The following DLGAP1 variants were observed in gnomAD, a reference collection of about 807,000 sequenced individuals.
The protein encoded by DLGAP1 is DLG associated protein 1, also known as disks large-associated protein 1.
In DLGAP1, 11 loss-of-function variants were observed where a neutral mutation model predicts 90.8. The ratio of observed to expected loss-of-function variants is 0.12; its 90% CI spans 0.08 to 0.20. DLGAP1 has a LOEUF of 0.20. Among genes scored for constraint, DLGAP1 ranks in the 10% least tolerant of loss-of-function variants. The pLI, the probability that DLGAP1 is intolerant of heterozygous loss-of-function variation, is 1.00. For missense variants in DLGAP1, 1,050 were observed against 1,333.8 expected, an observed-to-expected ratio of 0.79 and a Z score of 3.31; for synonymous variants, 558 against 540.7, an observed-to-expected ratio of 1.03 and a Z score of -0.44.
rs1337224184 is a variant in DLGAP1, at chr18:3,586,218, C to T, written c.1592-3970G>A. ...AAGATTTTGAGATCCCCCCCAACTT[C>T]GAATAAGGGAGCTGAATGGAGGGCA... On this transcript the variant is annotated intron_variant, in intron 7 of 12. Coordinates refer to ENST00000315677, the MANE Select transcript of DLGAP1 (RefSeq NM_004746.4). Among the ~76,000 whole-genome samples, 4 of 152,078 alleles carry T rather than the reference C, an allele frequency of 2.6e-5. 1 individual carries two copies. The highest frequency in any genetic ancestry group is 3.9e-4 in the East Asian group (2 of 5,192).
chr18:4,305,859 GAT>G, intron 1 of DLGAP1, among the ~76,000 whole-genome samples: 1 of 151,994 alleles, frequency 6.6e-6, no homozygotes, highest in East Asian at 1.9e-4. Context: ...GGTGAGAAAA[GAT>G]AGTGTGGAAC....
intron 7 of DLGAP1, among the ~76,000 whole-genome samples, chr18:3,596,134 G>A (rs2056561167): frequency 6.6e-6 from 1 of 152,036 alleles, no homozygotes; most frequent in Non-Finnish European, 1.5e-5. Flanking sequence ...GGCAGGGAGA[G>A]TGCCAGGAGC....
chr18:3,879,009 T>C lies in DLGAP1; in HGVS notation c.957+103A>G. ...GAATAATTTGCACAGGTTCCTATCTTAATAGACAATTCAGAGTAGTGCCAA... is the reference window on the plus strand; with the variant it reads ...GAATAATTTGCACAGGTTCCTATCTCAATAGACAATTCAGAGTAGTGCCAA... On this transcript the variant is annotated intron_variant, in intron 4 of 12. Transcript: ENST00000315677. This position sits in a 1 kb window ranked among gnomAD's most constrained non-coding sequence, Gnocchi z 6.6. 3.1e-6 allele frequency: 3 copies of C among 982,770 alleles called. No individual in the cohort carries two copies. Among genetic ancestry groups the C allele is most frequent in the Non-Finnish European group, 2.8e-6 (2 of 709,688 alleles). The allele number at this position is 982,770 out of a possible 1,614,324, so 60.9% of individuals were successfully genotyped here.
intron 3 of DLGAP1, among the ~76,000 whole-genome samples, chr18:3,924,689 G>A (rs1255992690): frequency 6.6e-6 from 1 of 152,100 alleles, no homozygotes; most frequent in East Asian, 1.9e-4. Flanking sequence ...AGCCAAATCT[G>A]TTTCCAGGCA....
chr18:4,316,889 G>A (rs1217133253), intron 1 of DLGAP1, among the ~76,000 whole-genome samples: 1 of 152,048 alleles, frequency 6.6e-6, no homozygotes, highest in African/African-American at 2.4e-5. Context: ...ATTTAGGATA[G>A]GGACATCAAT....
intron 7 of DLGAP1, among the ~76,000 whole-genome samples, chr18:3,638,092 G>A (rs1195706531): frequency 1.3e-5 from 2 of 151,130 alleles, no homozygotes; most frequent in South Asian, 2.1e-4. Flanking sequence ...GAGTACAGGC[G>A]CCCGCCACCC....
chr18:3,522,423 C>T (rs375805249), intron 10 of DLGAP1, among the ~76,000 whole-genome samples: 16 of 151,954 alleles, frequency 1.1e-4, no homozygotes, highest in East Asian at 3.9e-4. Flanking sequence ...AGGTGTGAGC[C>T]GCTGTACTCG....
intron 1 of DLGAP1, among the ~76,000 whole-genome samples, chr18:4,334,679 G>A (rs2081032012): frequency 6.6e-6 from 1 of 151,858 alleles, no homozygotes; most frequent in South Asian, 2.1e-4. Flanking sequence ...AGAGGTTTCC[G>A]ATCTTCTTAG....
At chr18:4,143,630 T>G (rs910307269) in intron 2 of DLGAP1, among the ~76,000 whole-genome samples, 2 of 151,924 alleles carry the variant, frequency 1.3e-5, no homozygotes, top group African/African-American at 4.8e-5. Flanking sequence ...CTAGTACCTA[T>G]GGTGCAAGAC....
intron 2 of DLGAP1, among the ~76,000 whole-genome samples, chr18:4,036,976 T>G (rs907938598): frequency 6.6e-6 from 1 of 152,344 alleles, no homozygotes; most frequent in Non-Finnish European, 1.5e-5. Context: ...AAAATTCCTT[T>G]GAGTAGTGTG....
At chr18:3,751,408 C>T (rs1009447808) in intron 5 of DLGAP1, among the ~76,000 whole-genome samples, 19 of 151,772 alleles carry the variant, frequency 1.3e-4, no homozygotes, top group Middle Eastern at 3.5e-3. Context: ...GCAATCCTCT[C>T]ATTTCAGTCT....
chr18:3,892,375 C>T (rs2071493176), intron 3 of DLGAP1, among the ~76,000 whole-genome samples: 1 of 152,174 alleles, frequency 6.6e-6, no homozygotes, highest in African/African-American at 2.4e-5. Context: ...CACAGCTCAG[C>T]TCCAGTGACA....
intron 5 of DLGAP1, among the ~76,000 whole-genome samples, chr18:3,743,647 C>A (rs2063150548): frequency 6.7e-6 from 1 of 148,588 alleles, no homozygotes; most frequent in African/African-American, 2.5e-5. Context: ...AGCCACCGCG[C>A]CCGGCCTTTA....
intron 1 of DLGAP1, among the ~76,000 whole-genome samples, chr18:4,223,775 T>C (rs1442921698): frequency 1.3e-5 from 2 of 152,152 alleles, no homozygotes; most frequent in Non-Finnish European, 1.5e-5. Context: ...TCCACTACTA[T>C]AACATAAAAT....
At chr18:4,190,995 T>C (rs2077388405) in intron 1 of DLGAP1, among the ~76,000 whole-genome samples, 1 of 152,162 alleles carries the variant, frequency 6.6e-6, no homozygotes, top group African/African-American at 2.4e-5. Flanking sequence ...AAAGGAGTCT[T>C]TTCATTAATC....
chr18:3,880,224 C>A (rs1337729140), intron 3 of DLGAP1, 84 bp from the exon 4 acceptor site: 4 of 710,270 alleles, frequency 5.6e-6, no homozygotes, highest in Non-Finnish European at 9.4e-6. Context: ...TGCTCTGTTG[C>A]CCAGGCTAGA....
At chr18:3,803,524 G>A (rs2066413979) in intron 5 of DLGAP1, among the ~76,000 whole-genome samples, 1 of 152,164 alleles carries the variant, frequency 6.6e-6, no homozygotes, top group Non-Finnish European at 1.5e-5. Context: ...GATCTGTTCC[G>A]AGAGCTCTCA....
chr18:3,809,554 C>G (rs1484260912), intron 5 of DLGAP1, among the ~76,000 whole-genome samples: 4 of 152,178 alleles, frequency 2.6e-5, no homozygotes, highest in Non-Finnish European at 5.9e-5. Context: ...TTGCTAGGAG[C>G]TCTGACTGGC....
At chr18:3,532,591 GA>G (rs912560757) in intron 10 of DLGAP1, among the ~76,000 whole-genome samples, 4 of 143,508 alleles carry the variant, frequency 2.8e-5, no homozygotes, top group South Asian at 2.2e-4. Flanking sequence ...AAAAAAAAAA[GA>G]AAAAAAAAGA....
Sources: allele counts gnomAD v4.1 joint callset (sites outside exome capture counted in the v4.1 genomes callset), GRCh38; gene constraint gnomAD v4.1.1; non-coding constraint Gnocchi (gnomAD v3.1); transcripts MANE v1.5; gene names NCBI Gene and HGNC (gene_info 2026-07-23, HGNC 2026-07-21).